NPAS3: variants seen among roughly 807,000 people sequenced by gnomAD.
NPAS3 encodes the protein neuronal PAS domain protein 3, also known as neuronal PAS domain-containing protein 3.
Under a neutral mutation model 73.1 loss-of-function variants are expected in NPAS3, and 14 were observed. The observed-to-expected ratio is 0.19, with a 90% CI of 0.13 to 0.30. The LOEUF (loss-of-function observed/expected upper bound fraction) is 0.30. Among genes scored for constraint, NPAS3 ranks in the 10% least tolerant of loss-of-function variants. NPAS3 has a pLI of 1.00. For synonymous variants in NPAS3, 620 were observed against 541.5 expected (o/e 1.14, Z -2.01); for missense variants, 1,096 against 1,250.0 (o/e 0.88, Z 1.86).
intron 4 of NPAS3, among the ~76,000 whole-genome samples, chr14:33,546,067 C>G (rs1001382717): frequency 2.0e-5 from 3 of 152,174 alleles, no homozygotes; most frequent in African/African-American, 7.2e-5. Flanking sequence ...CTCTAGAAGC[C>G]TCCTCTGCCA....
rs188174574 is a variant in NPAS3 at position 33,629,096 on chromosome 14, G to A, written c.559-47115G>A. Among the ~76,000 whole-genome samples, 376 of 152,208 alleles carry A rather than the reference G, an allele frequency of 2.5e-3. 1 individual carries two copies. The highest frequency in any genetic ancestry group is 3.5e-3 in the Non-Finnish European group (235 of 68,008). On this transcript the variant is annotated intron_variant, in intron 5 of 11. Transcript: ENST00000356141. ...AAAAATACCAAAAAAATAGCCAGGC[G>A]TGGTGGTGGGTGCCTGTAGTCCCAG... is the stretch of plus-strand genomic sequence containing the variant.
At chr14:33,177,334 G>C (rs1417090027) in intron 2 of NPAS3, among the ~76,000 whole-genome samples, 1 of 151,768 alleles carries the variant, frequency 6.6e-6, no homozygotes, top group Non-Finnish European at 1.5e-5. Context: ...TTGACCTCGT[G>C]ATTCACCTGC....
intron 2 of NPAS3, among the ~76,000 whole-genome samples, chr14:33,161,583 G>T (rs577797453): frequency 6.6e-6 from 1 of 152,292 alleles, no homozygotes; most frequent in South Asian, 2.1e-4. Flanking sequence ...TCAAATACTG[G>T]TTCTGTAGTC....
chr14:33,610,641 A>G (rs528512469), intron 5 of NPAS3, among the ~76,000 whole-genome samples: 1 of 152,358 alleles, frequency 6.6e-6, no homozygotes, highest in South Asian at 2.1e-4. Context: ...AATAAGGATC[A>G]AAATAGCAAT....
At chr14:33,643,354 GA>G (rs1595348669) in intron 5 of NPAS3, among the ~76,000 whole-genome samples, 1 of 49,796 alleles carries the variant, frequency 2.0e-5, no homozygotes, top group Non-Finnish European at 4.1e-5. Flanking sequence ...GATGTGTTCG[GA>G]AAAAGAAAGA....
intron 9 of NPAS3, among the ~76,000 whole-genome samples, chr14:33,786,554 T>C (rs909134872): frequency 6.6e-6 from 1 of 152,208 alleles, no homozygotes. Flanking sequence ...TTGATAACAC[T>C]TAATTGTTAA....
intron 6 of NPAS3, among the ~76,000 whole-genome samples, chr14:33,728,640 C>T (rs771234143): frequency 8.5e-5 from 13 of 152,182 alleles, no homozygotes; most frequent in Non-Finnish European, 1.6e-4. Flanking sequence ...TCAAGGATCA[C>T]ACTCTAGTAT....
intron 1 of NPAS3, among the ~76,000 whole-genome samples, chr14:33,026,709 A>G (rs567300823): frequency 2.0e-5 from 3 of 152,140 alleles, no homozygotes; most frequent in Admixed American, 2.0e-4. Context: ...CTCCTACTGT[A>G]CAATCTGTCT....
At chr14:33,032,156 A>G (rs2040016791) in intron 1 of NPAS3, among the ~76,000 whole-genome samples, 1 of 152,212 alleles carries the variant, frequency 6.6e-6, no homozygotes, top group African/African-American at 2.4e-5. Context: ...GGTGACCAGA[A>G]TGCAAGATAA....
At chr14:33,636,903 G>GCACACACACACACACA (rs34527893) in intron 5 of NPAS3, among the ~76,000 whole-genome samples, 3,001 of 149,252 alleles carry the variant, frequency 0.02, 76 homozygotes, top group East Asian at 0.088. Flanking sequence ...CTCGGAGTGT[G>GCACACACACACACACA]CACACACACA....
intron 4 of NPAS3, among the ~76,000 whole-genome samples, chr14:33,500,887 G>A (rs144302157): frequency 1.2e-3 from 190 of 152,020 alleles, no homozygotes; most frequent in African/African-American, 4.3e-3. Flanking sequence ...GGTCATCACT[G>A]GCCTCTTGGC....
At chr14:32,964,698 G>T (rs1054357198) in intron 1 of NPAS3, among the ~76,000 whole-genome samples, 1 of 152,100 alleles carries the variant, frequency 6.6e-6, no homozygotes, top group African/African-American at 2.4e-5. Context: ...TTTGAGGCCG[G>T]GTGCAGTGTG....
intron 2 of NPAS3, among the ~76,000 whole-genome samples, chr14:33,171,733 C>A (rs1368402769): frequency 3.9e-5 from 6 of 152,284 alleles, no homozygotes; most frequent in African/African-American, 9.6e-5. Flanking sequence ...GTTTTAATTT[C>A]TTAAAAGAAC....
chr14:33,158,374 G>A lies in NPAS3; in HGVS notation c.141-56808G>A, dbSNP rs114257329. Among the ~76,000 whole-genome samples, 1,234 of 152,272 alleles carry A rather than the reference G, an allele frequency of 8.1e-3. 14 individuals carry two copies. The highest frequency in any genetic ancestry group is 0.028 in the African/African-American group (1,183 of 41,548). On this transcript the variant is annotated intron_variant, in intron 2 of 11. Coordinates refer to ENST00000356141, the Ensembl canonical transcript of NPAS3. The stretch of plus-strand genomic sequence containing the variant: ...GTGTGAGGACCACTGGTTTAGATGC[G>A]TATGTATTTATTGGAAGACACTATA...
chr14:33,777,758 C>T (rs1315975121), intron 8 of NPAS3, among the ~76,000 whole-genome samples: 2 of 152,280 alleles, frequency 1.3e-5, no homozygotes, highest in African/African-American at 2.4e-5. Flanking sequence ...CTGAGGACAT[C>T]GACGTCTGGA....
At chr14:33,641,983 C>T (rs912123995) in intron 5 of NPAS3, among the ~76,000 whole-genome samples, 4 of 151,948 alleles carry the variant, frequency 2.6e-5, no homozygotes, top group Non-Finnish European at 5.9e-5. Flanking sequence ...TCATCGATTC[C>T]CAACAGCAGG....
chr14:33,335,091 A>G (rs1461921417), intron 3 of NPAS3, among the ~76,000 whole-genome samples: 2 of 142,546 alleles, frequency 1.4e-5, no homozygotes, highest in African/African-American at 5.5e-5. Flanking sequence ...TCTTTATCCT[A>G]TTGTTGATTG....
chr14:33,080,082 C>T (rs1279675568), intron 2 of NPAS3, among the ~76,000 whole-genome samples: 2 of 152,070 alleles, frequency 1.3e-5, no homozygotes, highest in Admixed American at 6.5e-5. Context: ...TTTGAATGGA[C>T]ATATAGTCCA....
chr14:33,239,095 A>G (rs2048132974), intron 3 of NPAS3, among the ~76,000 whole-genome samples: 1 of 151,932 alleles, frequency 6.6e-6, no homozygotes, highest in African/African-American at 2.4e-5. Context: ...TCAATGGCAC[A>G]TATTTGGCCT....
Sources: gnomAD v4.1 joint callset for allele counts (sites outside exome capture counted in the v4.1 genomes callset) on GRCh38, gnomAD v4.1.1 for gene constraint, MANE v1.5 for transcripts, NCBI Gene and HGNC (gene_info 2026-07-23, HGNC 2026-07-21) for gene names.